The following FGF12 variants were observed in gnomAD, a reference collection of about 807,000 sequenced individuals.
FGF12 encodes fibroblast growth factor 12.
In FGF12, 14 loss-of-function variants were observed where a neutral mutation model predicts 23.6. That is an observed-to-expected ratio of 0.59 (90% CI 0.39 to 0.93). The LOEUF is 0.93. Ranked by LOEUF, FGF12 falls within the 40% of genes least tolerant of loss-of-function variation. The pLI, the probability that FGF12 is intolerant of heterozygous loss-of-function variation, is 0.00. For missense variants in FGF12, 175 were observed against 217.8 expected (o/e 0.80, Z 1.24); for synonymous variants, 62 against 77.3 (o/e 0.80, Z 1.04).
At chr3:192,164,258 G>A (rs763752779) in intron 5 of FGF12, among the ~76,000 whole-genome samples, 1 of 152,146 alleles carries the variant, frequency 6.6e-6, no homozygotes, top group Non-Finnish European at 1.5e-5. Context: ...TACTCTGAAA[G>A]GGCAGAATTG....
At chr3:192,319,261 C>A (rs1193991228) in intron 4 of FGF12, among the ~76,000 whole-genome samples, 1 of 152,106 alleles carries the variant, frequency 6.6e-6, no homozygotes, top group Non-Finnish European at 1.5e-5. Context: ...ATAAACTATT[C>A]ATATCCTGAA....
chr3:192,357,126 T>C (rs894226883), intron 3 of FGF12, among the ~76,000 whole-genome samples: 6 of 152,304 alleles, frequency 3.9e-5, no homozygotes, highest in African/African-American at 1.4e-4. Context: ...GGGTAAAAAG[T>C]ATAAAGGAAT....
chr3:192,257,960 C>A (rs564258869), intron 4 of FGF12, among the ~76,000 whole-genome samples: 1 of 150,106 alleles, frequency 6.7e-6, no homozygotes, highest in Admixed American at 6.7e-5. Flanking sequence ...CCAATCCTTA[C>A]GGTACCCTGT....
At chr3:192,411,417 C>A (rs1043140122) in intron 2 of FGF12, among the ~76,000 whole-genome samples, 1 of 152,212 alleles carries the variant, frequency 6.6e-6, no homozygotes, top group Non-Finnish European at 1.5e-5. Flanking sequence ...ACATCCCCTG[C>A]AGCAGTTCAA....
intron 2 of FGF12, among the ~76,000 whole-genome samples, chr3:192,603,807 G>C (rs1714219587): frequency 6.6e-6 from 1 of 152,192 alleles, no homozygotes. Context: ...TCTATGCTCA[G>C]TGGTGCACGT....
At chr3:192,645,238 G>A (rs1715959298) in intron 2 of FGF12, among the ~76,000 whole-genome samples, 1 of 151,968 alleles carries the variant, frequency 6.6e-6, no homozygotes, top group South Asian at 2.1e-4. Context: ...AGCGGTGTGA[G>A]GTATGAATTA....
At chr3:192,477,133 T>A (rs1723348832) in intron 2 of FGF12, among the ~76,000 whole-genome samples, 1 of 152,148 alleles carries the variant, frequency 6.6e-6, no homozygotes, top group South Asian at 2.1e-4. Flanking sequence ...GGGAGAAAGC[T>A]GTACAGTGTA....
chr3:192,457,169 C>G (rs1722706716), intron 2 of FGF12, among the ~76,000 whole-genome samples: 1 of 152,208 alleles, frequency 6.6e-6, no homozygotes, highest in Admixed American at 6.5e-5. Flanking sequence ...GTAAGTCCAA[C>G]TAAACCTCTT....
chr3:192,379,602 C>A (rs998927185), intron 2 of FGF12, among the ~76,000 whole-genome samples: 5 of 152,148 alleles, frequency 3.3e-5, no homozygotes, highest in Non-Finnish European at 5.9e-5. Context: ...AGAATGACAT[C>A]GAAATTTCAC....
At chr3:192,397,756 A>G (rs906890266) in intron 2 of FGF12, among the ~76,000 whole-genome samples, 19 of 152,184 alleles carry the variant, frequency 1.2e-4, no homozygotes, top group African/African-American at 4.6e-4. Context: ...TTTGGCTGAA[A>G]ACAGAACCTG....
At chr3:192,665,613 G>C (rs1716839721) in intron 2 of FGF12, among the ~76,000 whole-genome samples, 2 of 151,624 alleles carry the variant, frequency 1.3e-5, no homozygotes. Flanking sequence ...TTGGGGGTGG[G>C]GGGCAAGGGG....
chr3:192,314,806 A>G (rs1716144380), intron 4 of FGF12, among the ~76,000 whole-genome samples: 3 of 152,218 alleles, frequency 2.0e-5, no homozygotes, highest in Admixed American at 2.0e-4. Flanking sequence ...TTTTGTGCAC[A>G]TATTGACACC....
chr3:192,710,990 C>T (rs942411664), intron 2 of FGF12, among the ~76,000 whole-genome samples: 1 of 152,116 alleles, frequency 6.6e-6, no homozygotes, highest in African/African-American at 2.4e-5. Context: ...AGTGAAAAGC[C>T]CACCAACATC....
intron 5 of FGF12, among the ~76,000 whole-genome samples, chr3:192,146,272 A>ATTTTTTTT (rs10676941): frequency 1.3e-4 from 19 of 143,272 alleles, no homozygotes; most frequent in African/African-American, 5.0e-4. Context: ...TAAAGTGTAT[A>ATTTTTTTT]TTTTTTTTTT....
intron 2 of FGF12, among the ~76,000 whole-genome samples, chr3:192,551,208 G>A (rs1018797448): frequency 1.4e-4 from 22 of 152,288 alleles, no homozygotes; most frequent in East Asian, 3.9e-4. Context: ...CTTTCTACCC[G>A]GGGTCACTTT....
At chr3:192,339,517 C>T (rs1336196522) in intron 3 of FGF12, among the ~76,000 whole-genome samples, 2 of 152,176 alleles carry the variant, frequency 1.3e-5, no homozygotes, top group Non-Finnish European at 2.9e-5. Context: ...TCTGCTGTAA[C>T]CGGCTTCACA....
At chr3:192,268,035 A>G (rs987143065) in intron 4 of FGF12, among the ~76,000 whole-genome samples, 30 of 152,314 alleles carry the variant, frequency 2.0e-4, no homozygotes, top group African/African-American at 7.2e-4. Flanking sequence ...GATATCTCAG[A>G]TTTAAAGATA....
At chr3:192,446,391 A>T (rs768430503) in intron 2 of FGF12, among the ~76,000 whole-genome samples, 48 of 152,258 alleles carry the variant, frequency 3.2e-4, no homozygotes, top group Non-Finnish European at 6.0e-4. Context: ...CAGTTCATTT[A>T]GCTCAACACA....
At chr3:192,678,971 G>A (rs193060047) in intron 2 of FGF12, among the ~76,000 whole-genome samples, 2 of 152,274 alleles carry the variant, frequency 1.3e-5, no homozygotes, top group East Asian at 3.9e-4. Flanking sequence ...TTATGCGGGT[G>A]AGGCCCAAGA....
Sources: allele counts gnomAD v4.1 joint callset (sites outside exome capture counted in the v4.1 genomes callset), GRCh38; gene constraint gnomAD v4.1.1; transcripts MANE v1.5; gene names NCBI Gene and HGNC (gene_info 2026-07-23, HGNC 2026-07-21).